Variants in YES1 observed in about 807,000 individuals in gnomAD.
YES1 encodes YES proto-oncogene 1, Src family tyrosine kinase, also known as tyrosine-protein kinase Yes.
A neutral mutation model predicts 70.4 loss-of-function variants in YES1; 39 were observed. The observed-to-expected ratio is 0.55, with a 90% CI of 0.43 to 0.72. The LOEUF is 0.72. Ranked by LOEUF, YES1 falls within the 30% of genes least tolerant of loss-of-function variation. The pLI, the probability that YES1 is intolerant of heterozygous loss-of-function variation, is 0.00. For synonymous variants in YES1, 198 were observed against 218.6 expected, an observed-to-expected ratio of 0.91 and a Z score of 0.83; for missense variants, 495 against 644.8, an observed-to-expected ratio of 0.77 and a Z score of 2.52.
intron 1 of YES1, among the ~76,000 whole-genome samples, chr18:769,270 A>C (rs1905052200): frequency 2.0e-5 from 3 of 152,198 alleles, no homozygotes; most frequent in African/African-American, 7.2e-5. Context: ...CTGTATACAA[A>C]GTATATTTGT....
chr18:782,264 A>G (rs1020766779), intron 1 of YES1, among the ~76,000 whole-genome samples: 1 of 152,200 alleles, frequency 6.6e-6, no homozygotes, highest in Non-Finnish European at 1.5e-5. Context: ...GGCTGGCAAT[A>G]GTCCCAGAGT....
chr18:744,696 T>TTTC (rs1812073891), intron 6 of YES1, among the ~76,000 whole-genome samples: 1 of 128,808 alleles, frequency 7.8e-6, no homozygotes, highest in African/African-American at 3.7e-5. Context: ...GGCCTTTTTT[T>TTTC]TTTTTTTTTT....
rs577649768 is a variant in YES1, at chr18:749,365, G to T, written c.372-1347C>A. Among the ~76,000 whole-genome samples, 17 of 151,990 alleles carry T rather than the reference G, an allele frequency of 1.1e-4. 1 individual carries two copies. The highest frequency in any genetic ancestry group is 1.0e-3 in the South Asian group (5 of 4,814). On this transcript the variant is annotated intron_variant, in intron 3 of 11. Transcript: ENST00000314574. ...ATACAAAAATTAGGTGGGAGTGGTG[G>T]CGTGTGCCTGTAATCCCAGTTACTC...
chr18:806,139 G>A (rs1307115503), intron 1 of YES1, among the ~76,000 whole-genome samples: 1 of 152,134 alleles, frequency 6.6e-6, no homozygotes, highest in Non-Finnish European at 1.5e-5. Flanking sequence ...ATATGAACAA[G>A]TCATAATTGT....
At chr18:757,502 CAAAAA>C (rs747227284) in intron 1 of YES1, among the ~76,000 whole-genome samples, 1 of 91,236 alleles carries the variant, frequency 1.1e-5, no homozygotes, top group Non-Finnish European at 2.3e-5. Context: ...GACTCCGTCT[CAAAAA>C]AAAAAAAAAA....
intron 1 of YES1, among the ~76,000 whole-genome samples, chr18:761,308 ACCTG>A (rs1228336067): frequency 6.6e-6 from 1 of 152,190 alleles, no homozygotes; most frequent in Non-Finnish European, 1.5e-5. Context: ...TTACAAAATT[ACCTG>A]CATCCAAAGT....
chr18:736,964 T>G lies in YES1; in HGVS notation c.1138-3A>C, dbSNP rs373478419. The stretch of plus-strand genomic sequence containing the variant: ...ATATATGCCATACCATCAGCAATCT[T>G]GGAAAGAGAAAAACAAAAAACACAA... On this transcript the variant is annotated splice_region_variant and splice_polypyrimidine_tract_variant and intron_variant, in intron 9 of 11. Coordinates refer to ENST00000314574, the MANE Select transcript of YES1 (RefSeq NM_005433.4). 1.3e-6 allele frequency: 2 copies of G among 1,599,818 alleles called. No homozygotes were observed. The highest frequency in any genetic ancestry group is 2.7e-5 in the African/African-American group (2 of 74,520).
chr18:740,901 A>G (rs1266664390), intron 8 of YES1, among the ~76,000 whole-genome samples: 1 of 151,982 alleles, frequency 6.6e-6, no homozygotes, highest in Non-Finnish European at 1.5e-5. Context: ...TAATTGTTAA[A>G]GTCTTTATTT....
At chr18:733,925 G>A (rs2080121256) in intron 10 of YES1, among the ~76,000 whole-genome samples, 1 of 151,352 alleles carries the variant, frequency 6.6e-6, no homozygotes, top group Non-Finnish European at 1.5e-5. Context: ...GAGTTCTTTA[G>A]ATATTTAGAC....
intron 1 of YES1, among the ~76,000 whole-genome samples, chr18:757,850 G>A (rs920985691): frequency 2.0e-5 from 3 of 150,564 alleles, no homozygotes; most frequent in African/African-American, 7.3e-5. Context: ...AAAAGCATCT[G>A]GGTGATAAAA....
intron 1 of YES1, among the ~76,000 whole-genome samples, chr18:809,542 C>T (rs1400456425): frequency 1.3e-5 from 2 of 152,282 alleles, no homozygotes; most frequent in Admixed American, 1.3e-4. Context: ...CTCAAGTGAT[C>T]CCCTTCCCTC....
rs569050204 is a variant in YES1 at position 734,211 on chromosome 18, A to G, written c.1292-1246T>C. Among the ~76,000 whole-genome samples the G allele has an allele frequency of 2.6e-5, 4 of 151,780 alleles. No individual in the cohort carries two copies. The South Asian group carries it at 8.4e-4, about 32-fold the overall frequency. On this transcript the variant is annotated intron_variant, in intron 10 of 11. Coordinates refer to ENST00000314574, the MANE Select transcript of YES1 (RefSeq NM_005433.4). ...GGAGAATTGCTTGAACCTGGGGGGC[A>G]GAGGTTGCAGTGAGCCAAGATCATG...
At chr18:764,232 T>G (rs1392876001) in intron 1 of YES1, among the ~76,000 whole-genome samples, 6 of 152,020 alleles carry the variant, frequency 3.9e-5, no homozygotes, top group African/African-American at 1.4e-4. Flanking sequence ...CAGTTTTTTA[T>G]TTTTTTTGAG....
chr18:778,959 A>C (rs555507492), intron 1 of YES1, among the ~76,000 whole-genome samples: 1 of 152,300 alleles, frequency 6.6e-6, no homozygotes, highest in South Asian at 2.1e-4. Context: ...TAATGGTACC[A>C]ATTTTTTACC....
chr18:747,044 G>A (rs1196374655), intron 4 of YES1, among the ~76,000 whole-genome samples: 2 of 152,182 alleles, frequency 1.3e-5, no homozygotes. Context: ...CAATGCAAGT[G>A]CTTAAATGAA....
chr18:738,785 T>G (rs2080182806), intron 9 of YES1: 1 of 152,166 alleles, frequency 6.6e-6, no homozygotes, highest in South Asian at 2.1e-4. Flanking sequence ...CTTAAAATTA[T>G]CTGTTGAAAT....
chr18:733,835 A>C (rs1198250015), intron 10 of YES1, among the ~76,000 whole-genome samples: 2 of 150,922 alleles, frequency 1.3e-5, no homozygotes, highest in Non-Finnish European at 2.9e-5. Context: ...AAGTTTATAA[A>C]CTTATTGCAG....
intron 10 of YES1, among the ~76,000 whole-genome samples, chr18:733,524 C>T (rs1394885582): frequency 6.6e-6 from 1 of 151,434 alleles, no homozygotes; most frequent in Non-Finnish European, 1.5e-5. Flanking sequence ...TGGCTCAAGC[C>T]TGTAATCCCA....
chr18:746,485 G>C (rs1474889665), intron 4 of YES1, among the ~76,000 whole-genome samples: 1 of 152,082 alleles, frequency 6.6e-6, no homozygotes, highest in Non-Finnish European at 1.5e-5. Flanking sequence ...AAATATGTGT[G>C]GGTTTAATTT....
Sources: gnomAD v4.1 joint callset for allele counts (sites outside exome capture counted in the v4.1 genomes callset) on GRCh38, gnomAD v4.1.1 for gene constraint, MANE v1.5 for transcripts, NCBI Gene and HGNC (gene_info 2026-07-23, HGNC 2026-07-21) for gene names.